TEKT3: variants seen among roughly 807,000 people sequenced by gnomAD.
The protein encoded by TEKT3 is tektin-3.
TEKT3 carries 49 observed loss-of-function variants against 49.8 expected under a neutral mutation model. That is an observed-to-expected ratio of 0.98 (90% CI 0.78 to 1.25). The LOEUF (loss-of-function observed/expected upper bound fraction) is 1.25. TEKT3 is among the 50% of genes most tolerant of loss of function. TEKT3 has a pLI of 0.00. For synonymous variants in TEKT3, 225 were observed against 237.2 expected, an observed-to-expected ratio of 0.95 and a Z score of 0.47; for missense variants, 595 against 629.5, an observed-to-expected ratio of 0.95 and a Z score of 0.59.
intron 3 of TEKT3, 148 bp downstream of exon 3, chr17:15,330,859 C>G: frequency 1.3e-6 from 1 of 796,938 alleles, no homozygotes; most frequent in Non-Finnish European, 1.9e-6. Flanking sequence ...AGTGGTTTTG[C>G]CATTGCTGAA....
intron 5 of TEKT3, among the ~76,000 whole-genome samples, chr17:15,315,338 C>T (rs771308933): frequency 6.6e-6 from 1 of 152,106 alleles, no homozygotes; most frequent in Admixed American, 6.5e-5. Flanking sequence ...GGGAATGAAT[C>T]AGGTTTTCCT....
chr17:15,311,853 AAC>A (rs1392814993), intron 7 of TEKT3, among the ~76,000 whole-genome samples: 2 of 152,220 alleles, frequency 1.3e-5, no homozygotes, highest in African/African-American at 4.8e-5. Context: ...TGAACTACCT[AAC>A]AGTTTCCTGT....
rs796371927 is a variant in TEKT3, at chr17:15,304,678, C to A, written c.1257-526G>T. On this transcript the variant is annotated intron_variant, in intron 8 of 8. Coordinates refer to ENST00000395930, the MANE Select transcript of TEKT3 (RefSeq NM_031898.3). This position sits in a 1 kb window ranked among gnomAD's most constrained non-coding sequence, Gnocchi z 4.7. ...TCCTGGCCCCATTCCCCTCTCAGCT[C>A]CTTGAGACAGAAGAGTAGAAGCAGA... Among the ~76,000 whole-genome samples, 8 of 152,270 alleles carry A rather than the reference C, an allele frequency of 5.3e-5. No individual in the cohort carries two copies. The highest frequency in any genetic ancestry group is 1.9e-4 in the African/African-American group (8 of 41,560).
In TEKT3 at chr17:15,312,354, T is replaced by A. The variant is rs947395739; in HGVS notation, c.1006A>T (p.Met336Leu). 3.7e-6 allele frequency: 6 copies of A among 1,614,116 alleles called. No individual in the cohort carries two copies. The African/African-American group carries it at 8.0e-5, about 22-fold the overall frequency. ...TTCACTTTGTTGAATTGATTCCACA[T>A]CTCATTGGCAGTCACAACCAAGAGG... ...ENLLVVTANE[M>L]WNQFNKVNLS... The change falls in exon 7 of 9, where the codon ATG (methionine) becomes TTG (leucine). Residue 336 changes from methionine (M) to leucine (L), a missense_variant. Met to Leu is a conservative substitution (Grantham distance 15). Coordinates refer to ENST00000395930, the MANE Select transcript of TEKT3 (RefSeq NM_031898.3).
chr17:15,330,399 G>A (rs566518104), intron 3 of TEKT3, among the ~76,000 whole-genome samples: 2 of 152,270 alleles, frequency 1.3e-5, no homozygotes, highest in South Asian at 4.1e-4. Flanking sequence ...CGTGGGGGTA[G>A]ATCCTTCATG....
chr17:15,306,129 G>GTGTGTGTGTGTA (rs1910544284), intron 8 of TEKT3, among the ~76,000 whole-genome samples: 1 of 145,878 alleles, frequency 6.9e-6, no homozygotes, highest in African/African-American at 2.6e-5. Flanking sequence ...GTGTGTGTGT[G>GTGTGTGTGTGTA]CATATATATA....
At position 15,304,105 on chromosome 17, in the gene TEKT3, T is replaced by C. The variant is rs764385501; in HGVS notation, c.1304A>G (p.Gln435Arg). The change falls in exon 9 of 9, where the codon CAG becomes CGG. Residue 435 changes from glutamine to arginine, a missense_variant. Coordinates refer to ENST00000395930, the MANE Select transcript of TEKT3 (RefSeq NM_031898.3). This position sits in a 1 kb window ranked among gnomAD's most constrained non-coding sequence, Gnocchi z 4.7. The stretch of plus-strand genomic sequence containing the variant: ...GTCCTCTGCATCCCTCAGGCGCTGC[T>C]GCAGGGTCTGGATGGTGTCGTCAAC... ...HEVDDTIQTLQQRLRDAEDTL... is the reference protein window; with the variant it reads ...HEVDDTIQTLRQRLRDAEDTL... 3 of 1,614,098 alleles carry C rather than the reference T, an allele frequency of 1.9e-6. No homozygotes were observed. The highest frequency in any genetic ancestry group is 2.5e-6 in the Non-Finnish European group (3 of 1,180,054).
At chr17:15,336,936 G>T (rs544475178) in intron 2 of TEKT3, among the ~76,000 whole-genome samples, 1 of 152,168 alleles carries the variant, frequency 6.6e-6, no homozygotes, top group African/African-American at 2.4e-5. Flanking sequence ...GCTTTTCAGA[G>T]GTGACATGAT....
chr17:15,312,167 G>T, intron 7 of TEKT3, 92 bp downstream of exon 7: 2 of 1,227,618 alleles, frequency 1.6e-6, no homozygotes, highest in Non-Finnish European at 2.4e-6. Context: ...ACATGCCTAT[G>T]GTGCCTCTCT....
rs750185885 is a variant in TEKT3 at position 15,304,530 on chromosome 17, T to G, written c.1257-378A>C. ...AGACTAGGAAATAGAGCCCAGGGGT[T>G]CATAAGCTGTCCTTTCCATCGACAC... On this transcript the variant is annotated intron_variant, in intron 8 of 8. Transcript: ENST00000395930. The surrounding 1 kb of genome is among the most constrained non-coding windows in gnomAD (Gnocchi z 4.7). Among the ~76,000 whole-genome samples the G allele has an allele frequency of 3.4e-4, 51 of 152,172 alleles. No individual in the cohort carries two copies. Among genetic ancestry groups the G allele is most frequent in the Non-Finnish European group, 6.2e-4 (42 of 68,042 alleles).
chr17:15,332,934 T>C (rs1302960734), intron 2 of TEKT3, among the ~76,000 whole-genome samples: 1 of 152,180 alleles, frequency 6.6e-6, no homozygotes, highest in African/African-American at 2.4e-5. Context: ...TTTATATACC[T>C]CTACCTATAT....
At chr17:15,341,033 T>C (rs1414206564) in intron 1 of TEKT3, among the ~76,000 whole-genome samples, 1 of 152,036 alleles carries the variant, frequency 6.6e-6, no homozygotes, top group African/African-American at 2.4e-5. Context: ...CTTTGGGCGG[T>C]GAGAGAACAG....
At chr17:15,317,988 TTTC>T (rs1393386990) in intron 5 of TEKT3, among the ~76,000 whole-genome samples, 3 of 63,180 alleles carry the variant, frequency 4.7e-5, no homozygotes, top group Non-Finnish European at 8.3e-5. Context: ...TTTTTTTTTT[TTTC>T]TTTTTTTTTT....
intron 5 of TEKT3, among the ~76,000 whole-genome samples, chr17:15,316,117 C>T (rs1016726097): frequency 4.6e-5 from 7 of 152,164 alleles, no homozygotes; most frequent in African/African-American, 1.7e-4. Flanking sequence ...GAAAAAGCTC[C>T]CTTCCCTTGC....
chr17:15,319,389 TGGGG>T (rs1911156951), intron 4 of TEKT3, among the ~76,000 whole-genome samples: 1 of 152,098 alleles, frequency 6.6e-6, no homozygotes, highest in Non-Finnish European at 1.5e-5. Context: ...ATGGAACAAG[TGGGG>T]ACATGGTTAA....
chr17:15,308,844 G>C (rs777869004), intron 7 of TEKT3, 26 bp from the exon 8 acceptor site: 1 of 1,609,368 alleles, frequency 6.2e-7, no homozygotes, highest in Non-Finnish European at 8.5e-7. Flanking sequence ...GCAACTGCCT[G>C]AGGCTTTGGT....
chr17:15,330,852 G>C (rs1911693885), intron 3 of TEKT3, among the ~76,000 whole-genome samples, 155 bp downstream of exon 3: 1 of 152,194 alleles, frequency 6.6e-6, no homozygotes, highest in Non-Finnish European at 1.5e-5. Context: ...AATAGGCAGT[G>C]GTTTTGCCAT....
chr17:15,330,991 T>A lies in TEKT3; in HGVS notation c.579+16A>T. 1.9e-6 allele frequency: 3 copies of A among 1,574,748 alleles called. No homozygotes were observed. Among genetic ancestry groups the A allele is most frequent in the Non-Finnish European group, 2.6e-6 (3 of 1,161,638 alleles). ...ATAATCATAAAAATTCAGTGTGTTC[T>A]ATCATAAGGTCTTACCTGAAGAGGG... On this transcript the variant is annotated intron_variant, in intron 3 of 8. Transcript: ENST00000395930.
At chr17:15,337,887 C>T (rs1912055787) in intron 2 of TEKT3, among the ~76,000 whole-genome samples, 1 of 152,016 alleles carries the variant, frequency 6.6e-6, no homozygotes, top group African/African-American at 2.4e-5. Context: ...AAAAGATAGA[C>T]TGTTTAAACA....
Sources: allele counts gnomAD v4.1 joint callset (sites outside exome capture counted in the v4.1 genomes callset), GRCh38; gene constraint gnomAD v4.1.1; non-coding constraint Gnocchi (gnomAD v3.1); transcripts MANE v1.5; gene names NCBI Gene and HGNC (gene_info 2026-07-23, HGNC 2026-07-21).